Variants in ADARB2 observed in about 807,000 individuals in gnomAD.
ADARB2 encodes adenosine deaminase RNA specific B2 (inactive).
Under a neutral mutation model 62.2 loss-of-function variants are expected in ADARB2, and 25 were observed. That is an observed-to-expected ratio of 0.40 (90% CI 0.29 to 0.56). The LOEUF (loss-of-function observed/expected upper bound fraction) is 0.56, where lower values mean the gene tolerates loss of function less well. Ranked by LOEUF, ADARB2 falls within the 20% of genes least tolerant of loss-of-function variation. The probability of loss-of-function intolerance (pLI) is 0.43; values close to 1 mark genes in which losing one functional copy is unlikely to be tolerated. For missense variants in ADARB2, 1,071 were observed against 1,077.4 expected (o/e 0.99, Z 0.08); for synonymous variants, 572 against 500.8 (o/e 1.14, Z -1.90).
chr10:1,516,708 C>T (rs756127796), intron 1 of ADARB2, among the ~76,000 whole-genome samples: 1 of 152,210 alleles, frequency 6.6e-6, no homozygotes, highest in Non-Finnish European at 1.5e-5. Flanking sequence ...CAGCTCCCCG[C>T]GGAGGCCCCG....
chr10:1,286,282 G>A (rs1210170568), intron 3 of ADARB2, among the ~76,000 whole-genome samples: 2 of 152,120 alleles, frequency 1.3e-5, no homozygotes, highest in Non-Finnish European at 2.9e-5. Context: ...CGAAGCCTCC[G>A]GGATAATCAG....
At chr10:1,447,483 G>A (rs1238290141) in intron 1 of ADARB2, among the ~76,000 whole-genome samples, 1 of 152,180 alleles carries the variant, frequency 6.6e-6, no homozygotes, top group Non-Finnish European at 1.5e-5. Context: ...AACACAATGG[G>A]AAGAGAGTAC....
At chr10:1,387,827 C>T (rs10794749) in intron 1 of ADARB2, among the ~76,000 whole-genome samples, 5 of 151,838 alleles carry the variant, frequency 3.3e-5, no homozygotes, top group South Asian at 2.1e-4. Flanking sequence ...ATGGTCCTCA[C>T]GAGCAGATGA....
intron 1 of ADARB2, among the ~76,000 whole-genome samples, chr10:1,446,592 C>G (rs1830974323): frequency 6.6e-6 from 1 of 152,188 alleles, no homozygotes; most frequent in Non-Finnish European, 1.5e-5. Context: ...ACGCTGGGCA[C>G]AGAGGCAGAA....
chr10:1,675,060 G>C (rs1236651359), intron 1 of ADARB2: 4 of 984,960 alleles, frequency 4.1e-6, no homozygotes, highest in East Asian at 1.1e-4. Context: ...GGGGTACATG[G>C]ATGTTCTGGA....
intron 1 of ADARB2, among the ~76,000 whole-genome samples, chr10:1,721,807 G>A (rs1835096655): frequency 6.6e-6 from 1 of 152,054 alleles, no homozygotes; most frequent in Admixed American, 6.5e-5. Context: ...CCCAGCCCTT[G>A]GTCAGTGCTC....
chr10:1,720,069 T>C (rs1179487815), intron 1 of ADARB2, among the ~76,000 whole-genome samples: 2 of 152,182 alleles, frequency 1.3e-5, no homozygotes, highest in Non-Finnish European at 2.9e-5. Context: ...AAAAGACACA[T>C]GCACTTATAT....
intron 7 of ADARB2, among the ~76,000 whole-genome samples, chr10:1,203,654 T>A (rs966971466): frequency 6.6e-6 from 1 of 151,942 alleles, no homozygotes; most frequent in African/African-American, 2.4e-5. Context: ...GGCCATCAGC[T>A]TTCTCGGTGC....
intron 1 of ADARB2, among the ~76,000 whole-genome samples, chr10:1,672,595 C>A (rs1834402163): frequency 6.6e-6 from 1 of 152,118 alleles, no homozygotes; most frequent in Admixed American, 6.5e-5. Flanking sequence ...TTCCTCCCTC[C>A]AAGCCCCGCG....
At chr10:1,266,249 G>A (rs1182539217) in intron 4 of ADARB2, among the ~76,000 whole-genome samples, 1 of 152,188 alleles carries the variant, frequency 6.6e-6, no homozygotes, top group Non-Finnish European at 1.5e-5. Context: ...CTGTCTTCGA[G>A]GTCAGGCCTG....
chr10:1,448,187 AGTG>A (rs1830994585), intron 1 of ADARB2, among the ~76,000 whole-genome samples: 1 of 152,228 alleles, frequency 6.6e-6, no homozygotes, highest in East Asian at 1.9e-4. Context: ...CAAACATGTT[AGTG>A]GTGTTGGAAA....
chr10:1,233,496 C>T (rs1830829200), intron 6 of ADARB2, among the ~76,000 whole-genome samples, 198 bp downstream of exon 6: 1 of 152,192 alleles, frequency 6.6e-6, no homozygotes, highest in Non-Finnish European at 1.5e-5. Flanking sequence ...GACTACTCTT[C>T]TGCCAATCAC....
At chr10:1,428,293 T>G (rs948988167) in intron 1 of ADARB2, among the ~76,000 whole-genome samples, 7 of 87,678 alleles carry the variant, frequency 8.0e-5, no homozygotes, top group African/African-American at 5.2e-4. Flanking sequence ...TTTATGCCTA[T>G]TTTTTTTTTT....
chr10:1,615,223 T>C (rs1330440547), intron 1 of ADARB2, among the ~76,000 whole-genome samples: 2 of 152,232 alleles, frequency 1.3e-5, no homozygotes, highest in Non-Finnish European at 2.9e-5. Flanking sequence ...TCTGTCTGCC[T>C]CCAGGTTCAC....
chr10:1,629,480 G>A (rs915222043), intron 1 of ADARB2, among the ~76,000 whole-genome samples: 8 of 145,700 alleles, frequency 5.5e-5, no homozygotes, highest in African/African-American at 1.5e-4. Context: ...GCCCAACCCC[G>A]CCCTGCGCCC....
At chr10:1,204,532 T>C (rs1837025259) in intron 7 of ADARB2, among the ~76,000 whole-genome samples, 1 of 152,262 alleles carries the variant, frequency 6.6e-6, no homozygotes, top group Non-Finnish European at 1.5e-5. Flanking sequence ...GGGCCTGGCT[T>C]GCTGGGACAC....
Position 1,517,318 on chromosome 10 carries a change from T to C in ADARB2, c.101-138158A>G, listed in dbSNP as rs565552228. ...AATATCCAATAGCACATATTTCTTG[T>C]CCTTCTTTATATTCTCACTAAAAGC... On this transcript the variant is annotated intron_variant, in intron 1 of 9. Transcript: ENST00000381312. Among the ~76,000 whole-genome samples the C allele has an allele frequency of 2.6e-5, 4 of 152,356 alleles. No homozygotes were observed. In the South Asian group the frequency reaches 8.3e-4, roughly 32 times the overall value.
chr10:1,661,006 T>C (rs893444873), intron 1 of ADARB2, among the ~76,000 whole-genome samples: 2 of 152,012 alleles, frequency 1.3e-5, no homozygotes, highest in Non-Finnish European at 2.9e-5. Context: ...GATAACCTCG[T>C]CTCCAAACAG....
intron 1 of ADARB2, among the ~76,000 whole-genome samples, chr10:1,685,304 A>T (rs1834584797): frequency 6.6e-6 from 1 of 152,196 alleles, no homozygotes; most frequent in Non-Finnish European, 1.5e-5. Context: ...GAATGAGCAC[A>T]CCAAGATCAA....
Sources: gnomAD v4.1 joint callset for allele counts (sites outside exome capture counted in the v4.1 genomes callset) on GRCh38, gnomAD v4.1.1 for gene constraint, MANE v1.5 for transcripts, NCBI Gene and HGNC (gene_info 2026-07-23, HGNC 2026-07-21) for gene names.